Variants in ATP8B1 observed in about 807,000 individuals in gnomAD.
ATP8B1 encodes the protein phospholipid-transporting ATPase IC.
ATP8B1 carries 80 observed loss-of-function variants against 149.9 expected under a neutral mutation model. The ratio of observed to expected loss-of-function variants is 0.53; its 90% CI spans 0.45 to 0.64. ATP8B1 has a LOEUF of 0.64. Among genes scored for constraint, ATP8B1 ranks in the 30% least tolerant of loss-of-function variants. The pLI, the probability that ATP8B1 is intolerant of heterozygous loss-of-function variation, is 0.00. For synonymous variants in ATP8B1, 536 were observed against 562.8 expected (o/e 0.95, Z 0.67); for missense variants, 1,247 against 1,552.6 (o/e 0.80, Z 3.31).
chr18:57,672,689 A>T (rs1481463475), intron 16 of ATP8B1, among the ~76,000 whole-genome samples: 2 of 151,506 alleles, frequency 1.3e-5, no homozygotes, highest in African/African-American at 4.8e-5. Context: ...CAACATGGAG[A>T]AACCTTGTTT....
At chr18:57,732,101 A>ATATATG (rs1179997941) in intron 1 of ATP8B1, 2 of 201,952 alleles carry the variant, frequency 9.9e-6, no homozygotes, top group Non-Finnish European at 1.8e-5. Flanking sequence ...GTATGTGTAT[A>ATATATG]TATATATGTA....
intron 12 of ATP8B1, 25 bp downstream of exon 12, chr18:57,691,776 TAAAGCA>T (rs770588208): frequency 6.2e-7 from 1 of 1,612,484 alleles, no homozygotes; most frequent in African/African-American, 1.3e-5. Context: ...ATTCTTCCAT[TAAAGCA>T]AAATGCCAGA....
chr18:57,795,410 A>T (rs531441914), intron 1 of ATP8B1, among the ~76,000 whole-genome samples: 151 of 152,254 alleles, frequency 9.9e-4, no homozygotes, highest in Non-Finnish European at 1.5e-3. Context: ...CTTAAAAAAA[A>T]TTTTTTTAAT....
intron 1 of ATP8B1, among the ~76,000 whole-genome samples, chr18:57,788,462 T>C (rs2663855): frequency 0.31 from 46,661 of 150,978 alleles, 9,442 homozygotes; most frequent in African/African-American, 0.58. Flanking sequence ...GGCTGGGGCA[T>C]GAGAATCGCT....
chr18:57,796,832 G>T (rs114278486), intron 1 of ATP8B1, among the ~76,000 whole-genome samples: 2,160 of 152,212 alleles, frequency 0.014, 50 homozygotes, highest in African/African-American at 0.05. Context: ...GACTACAGGC[G>T]TGTGCCACCA....
At position 57,712,069 on chromosome 18, in the gene ATP8B1, G is replaced by A. The variant is rs374665444; in HGVS notation, c.182-5482C>T. ...TTGGCATATATATATATATATATAT[G>A]GCGAATATGGAGAGGAGCAAGGTGG... On this transcript the variant is annotated intron_variant, in intron 2 of 27. Transcript: ENST00000648908. Among the ~76,000 whole-genome samples, 374 of 130,828 alleles carry A rather than the reference G, an allele frequency of 2.9e-3. 2 individuals carry two copies. Among genetic ancestry groups the A allele is most frequent in the African/African-American group, 0.01 (344 of 33,092 alleles). The allele number at this position is 130,828 out of a possible 152,430, so 85.8% of individuals were successfully genotyped here.
chr18:57,679,221 C>T (rs1359826135), intron 15 of ATP8B1, among the ~76,000 whole-genome samples: 9 of 151,090 alleles, frequency 6.0e-5, no homozygotes, highest in Non-Finnish European at 2.9e-5. Flanking sequence ...CAGAGCAAGA[C>T]TCTGTCTCAA....
chr18:57,650,516 A>T lies in ATP8B1; in HGVS notation c.3401-19T>A. On this transcript the variant is annotated intron_variant, in intron 26 of 27. Transcript: ENST00000648908. ...GCTGTGCCTGTAAAGAACATGGCAA[A>T]TGCATCACTGTGGTTCTTTTTTCCT... The T allele has an allele frequency of 6.2e-7, 1 of 1,611,178 alleles. No homozygotes were observed. Among genetic ancestry groups the T allele is most frequent in the Non-Finnish European group, 8.5e-7 (1 of 1,178,096 alleles).
chr18:57,778,511 T>A (rs2080330519), intron 1 of ATP8B1, among the ~76,000 whole-genome samples: 1 of 152,186 alleles, frequency 6.6e-6, no homozygotes, highest in Non-Finnish European at 1.5e-5. Flanking sequence ...ATTACAGGCA[T>A]GAGCCACCGC....
intron 8 of ATP8B1, among the ~76,000 whole-genome samples, chr18:57,696,726 G>A (rs904977546): frequency 2.0e-5 from 3 of 152,162 alleles, no homozygotes; most frequent in African/African-American, 7.2e-5. Context: ...CTTACTGTGT[G>A]ACCTTGGGCG....
chr18:57,711,317 A>G (rs1224525987), intron 2 of ATP8B1, among the ~76,000 whole-genome samples: 1 of 152,254 alleles, frequency 6.6e-6, no homozygotes, highest in Non-Finnish European at 1.5e-5. Flanking sequence ...GTCAGCAAAA[A>G]AAGAATGAGG....
chr18:57,698,768 C>T (rs1912963057), intron 6 of ATP8B1, among the ~76,000 whole-genome samples: 1 of 152,238 alleles, frequency 6.6e-6, no homozygotes, highest in Non-Finnish European at 1.5e-5. Flanking sequence ...CTTGTGTTTA[C>T]ACAGCCCCTT....
At chr18:57,769,550 C>G (rs1290008410) in intron 1 of ATP8B1, among the ~76,000 whole-genome samples, 1 of 152,156 alleles carries the variant, frequency 6.6e-6, no homozygotes, top group Non-Finnish European at 1.5e-5. Context: ...CTTCATTAAG[C>G]CAGTAGGCAA....
intron 1 of ATP8B1, among the ~76,000 whole-genome samples, chr18:57,800,087 C>G (rs531251655): frequency 1.0e-3 from 153 of 152,292 alleles, no homozygotes; most frequent in Non-Finnish European, 1.8e-3. Context: ...CCTAAAGACA[C>G]CACTAAGAAA....
At chr18:57,774,371 G>T (rs192911298) in intron 1 of ATP8B1, among the ~76,000 whole-genome samples, 1 of 152,254 alleles carries the variant, frequency 6.6e-6, no homozygotes, top group Non-Finnish European at 1.5e-5. Context: ...GCCAAGGCAG[G>T]TGGAACACCT....
chr18:57,721,593 A>G lies in ATP8B1; in HGVS notation c.181+10034T>C, dbSNP rs557712281. Among the ~76,000 whole-genome samples, 910 of 151,934 alleles carry G rather than the reference A, an allele frequency of 6.0e-3. 4 individuals carry two copies. The highest frequency in any genetic ancestry group is 0.02 in the African/African-American group (845 of 41,376). ...CCAATACAGGAGCACCCAGATTCAT[A>G]AAGCAAATCCTGAGTGACCTACAAA... On this transcript the variant is annotated intron_variant, in intron 2 of 27. Transcript: ENST00000648908.
At chr18:57,756,305 A>ATACATATATATATATATATATG (rs1555653785) in intron 1 of ATP8B1, among the ~76,000 whole-genome samples, 1,386 of 105,912 alleles carry the variant, frequency 0.013, 99 homozygotes, top group African/African-American at 0.053. Context: ...GTGTATGTAT[A>ATACATATATATATATATATATG]TATATATATA....
intron 2 of ATP8B1, among the ~76,000 whole-genome samples, chr18:57,709,139 T>G (rs186568812): frequency 8.5e-5 from 13 of 152,302 alleles, no homozygotes. Context: ...TTGGCCTAAT[T>G]CAGACAAATC....
intron 1 of ATP8B1, among the ~76,000 whole-genome samples, chr18:57,771,476 C>G (rs139915980): frequency 6.6e-6 from 1 of 152,272 alleles, no homozygotes; most frequent in East Asian, 1.9e-4. Flanking sequence ...TTTATAATTA[C>G]GAAATGGTCT....
Sources: gnomAD v4.1 joint callset for allele counts (sites outside exome capture counted in the v4.1 genomes callset) on GRCh38, gnomAD v4.1.1 for gene constraint, MANE v1.5 for transcripts, NCBI Gene and HGNC (gene_info 2026-07-23, HGNC 2026-07-21) for gene names.